The following ESYT2 variants were observed in gnomAD, a reference collection of about 807,000 sequenced individuals.
The protein encoded by ESYT2 is extended synaptotagmin 2, also known as extended synaptotagmin-2.
Under a neutral mutation model 107.2 loss-of-function variants are expected in ESYT2, and 54 were observed. The observed-to-expected ratio is 0.50, with a 90% CI of 0.40 to 0.63. The LOEUF is 0.63. Ranked by LOEUF, ESYT2 falls within the 30% of genes least tolerant of loss-of-function variation. ESYT2 has a pLI of 0.00. For synonymous variants in ESYT2, 491 were observed against 434.1 expected (o/e 1.13, Z -1.63); for missense variants, 1,020 against 1,094.5 (o/e 0.93, Z 0.96).
At chr7:158,807,201 A>G (rs181276239) in intron 1 of ESYT2, among the ~76,000 whole-genome samples, 332 of 149,358 alleles carry the variant, frequency 2.2e-3, no homozygotes, top group Middle Eastern at 6.9e-3. Flanking sequence ...TAGCGAGCCG[A>G]TATCGCACCA....
chr7:158,777,371 C>A (rs1838605784), intron 6 of ESYT2, among the ~76,000 whole-genome samples: 1 of 152,180 alleles, frequency 6.6e-6, no homozygotes, highest in African/African-American at 2.4e-5. Context: ...TGGTTTGGCT[C>A]TGTGTCCCTA....
chr7:158,828,817 G>T (rs892204316), intron 1 of ESYT2, among the ~76,000 whole-genome samples: 4 of 147,452 alleles, frequency 2.7e-5, no homozygotes, highest in Admixed American at 2.7e-4. Context: ...TGGGAGTCGG[G>T]GCCGGGGGGC....
intron 13 of ESYT2, among the ~76,000 whole-genome samples, chr7:158,758,726 C>T (rs1837853900): frequency 6.6e-6 from 1 of 152,154 alleles, no homozygotes; most frequent in Non-Finnish European, 1.5e-5. Context: ...CTAAAATCAT[C>T]AAACAAGATG....
At position 158,798,646 on chromosome 7, in the gene ESYT2, CAAAAAAAAAAAAAAA is replaced by C. The variant is rs57351086; in HGVS notation, c.372+370_372+384del. On this transcript the variant is annotated intron_variant, in intron 2 of 22. Transcript: ENST00000275418. ...GGGCAACAAGAGTGAAGCTCCGTCT[CAAAAAAAAAAAAAAA>C]AAAAAAAAAAAAAGACTGTTATTGA... Among the ~76,000 whole-genome samples the C allele has an allele frequency of 4.8e-4, 24 of 49,862 alleles. No homozygotes were observed. In the South Asian group the frequency reaches 5.5e-3, roughly 11 times the overall value. The allele number at this position is 49,862 out of a possible 152,430, so 32.7% of individuals were successfully genotyped here.
Position 158,760,043 on chromosome 7 carries a change from A to T in ESYT2, c.1323+15T>A. On this transcript the variant is annotated intron_variant, in intron 12 of 22. Transcript: ENST00000275418. ...TTGGTTAGGTAGTTTTCAAGAGCAC[A>T]TGCTTCAACAGCACCTTGTCGAGGT... 1 of 1,613,764 alleles carries T rather than the reference A, an allele frequency of 6.2e-7. No homozygotes were observed. The highest frequency in any genetic ancestry group is 8.5e-7 in the Non-Finnish European group (1 of 1,179,622).
chr7:158,828,380 G>A (rs577537801), intron 1 of ESYT2, among the ~76,000 whole-genome samples: 1 of 152,378 alleles, frequency 6.6e-6, no homozygotes, highest in South Asian at 2.1e-4. Flanking sequence ...CGCTCTGAGA[G>A]CAGAACCGGC....
At chr7:158,788,499 T>C in intron 4 of ESYT2, 82 bp from the exon 5 acceptor site, 2 of 1,180,864 alleles carry the variant, frequency 1.7e-6, no homozygotes, top group Admixed American at 2.7e-5. Flanking sequence ...ATGTATAATC[T>C]GAATAAAATG....
intron 2 of ESYT2, among the ~76,000 whole-genome samples, chr7:158,798,745 G>A (rs1294760007): frequency 2.8e-5 from 4 of 145,340 alleles, no homozygotes; most frequent in African/African-American, 1.0e-4. Context: ...ACTTATGATT[G>A]TTATAAAATA....
intron 18 of ESYT2, among the ~76,000 whole-genome samples, chr7:158,740,519 C>T (rs1409850501): frequency 6.7e-6 from 1 of 150,060 alleles, no homozygotes; most frequent in African/African-American, 2.5e-5. Flanking sequence ...GCCACGTGCT[C>T]TCTTCCCATC....
At chr7:158,820,297 C>T (rs1417120731) in intron 1 of ESYT2, among the ~76,000 whole-genome samples, 1 of 152,180 alleles carries the variant, frequency 6.6e-6, no homozygotes, top group African/African-American at 2.4e-5. Flanking sequence ...TTGTACAACA[C>T]TGTAACTATA....
chr7:158,810,895 G>A lies in ESYT2; in HGVS notation c.331-11823C>T, dbSNP rs147410088. ...ACAAAAGGATCTACTAAGAGATTTC[G>A]GTGATGGTTGCACAATCCTGAGAAT... On this transcript the variant is annotated intron_variant, in intron 1 of 22. Coordinates refer to ENST00000275418, the MANE Select transcript of ESYT2 (RefSeq NM_001367773.1). Among the ~76,000 whole-genome samples, 252 of 152,132 alleles carry A rather than the reference G, an allele frequency of 1.7e-3. 1 individual carries two copies. Among genetic ancestry groups the A allele is most frequent in the Middle Eastern group, 3.4e-3 (1 of 294 alleles).
At position 158,738,328 on chromosome 7, in the gene ESYT2, TAC is replaced by T. The variant is rs1390957142; in HGVS notation, c.2267+693_2267+694del. 1.7e-4 allele frequency among the ~76,000 whole-genome samples: 11 copies of T among 62,924 alleles called. 1 individual carries two copies. The highest frequency in any genetic ancestry group is 2.2e-4 in the African/African-American group (3 of 13,556). 41.3% of individuals were successfully genotyped at this position (62,924 alleles called of 152,430 possible). On this transcript the variant is annotated intron_variant, in intron 19 of 22. Transcript: ENST00000275418. ...CTCTGTCTCCAAAAAAAAAAAAAAATACACACACACACACAGACACACACACA... is the reference window on the plus strand; with the variant it reads ...CTCTGTCTCCAAAAAAAAAAAAAAATACACACACACACAGACACACACACA...
chr7:158,817,872 T>G (rs1291821952), intron 1 of ESYT2, among the ~76,000 whole-genome samples: 1 of 152,226 alleles, frequency 6.6e-6, no homozygotes, highest in East Asian at 1.9e-4. Flanking sequence ...TGATACTGGT[T>G]CTCAAAATGT....
At chr7:158,769,735 A>G (rs1252753640) in intron 7 of ESYT2, among the ~76,000 whole-genome samples, 2 of 152,236 alleles carry the variant, frequency 1.3e-5, no homozygotes, top group African/African-American at 4.8e-5. Context: ...TTATTAAAAC[A>G]CAATGGATAT....
At chr7:158,751,072 A>G (rs1837569336) in intron 14 of ESYT2, among the ~76,000 whole-genome samples, 1 of 152,222 alleles carries the variant, frequency 6.6e-6, no homozygotes, top group Non-Finnish European at 1.5e-5. Flanking sequence ...ATTTTAAAAC[A>G]TATACTTTTT....
chr7:158,825,780 T>C (rs1840422092), intron 1 of ESYT2, among the ~76,000 whole-genome samples: 1 of 152,212 alleles, frequency 6.6e-6, no homozygotes. Context: ...CGACACACTA[T>C]GAAAACAAGT....
chr7:158,736,486 C>T (rs1836954654), intron 20 of ESYT2, among the ~76,000 whole-genome samples: 1 of 152,026 alleles, frequency 6.6e-6, no homozygotes, highest in Non-Finnish European at 1.5e-5. Flanking sequence ...CTGGGGGTGT[C>T]TCTGAGACCC....
chr7:158,746,920 T>TG (rs1232422663), intron 16 of ESYT2, among the ~76,000 whole-genome samples: 1 of 152,104 alleles, frequency 6.6e-6, no homozygotes, highest in East Asian at 1.9e-4. Context: ...GGCATGGTGG[T>TG]GTCTGCCTGT....
At chr7:158,828,354 C>T (rs558188211) in intron 1 of ESYT2, among the ~76,000 whole-genome samples, 8 of 152,234 alleles carry the variant, frequency 5.3e-5, no homozygotes, top group Non-Finnish European at 1.0e-4. Context: ...GGAATGCGCA[C>T]GAGAATCGCG....
Sources: allele counts gnomAD v4.1 joint callset (sites outside exome capture counted in the v4.1 genomes callset), GRCh38; gene constraint gnomAD v4.1.1; transcripts MANE v1.5; gene names NCBI Gene and HGNC (gene_info 2026-07-23, HGNC 2026-07-21).